PCBP3: variants seen among roughly 807,000 people sequenced by gnomAD.
The protein encoded by PCBP3 is poly(rC)-binding protein 3.
PCBP3 carries 25 observed loss-of-function variants against 52.7 expected under a neutral mutation model. That is an observed-to-expected ratio of 0.47 (90% CI 0.35 to 0.66). The LOEUF (loss-of-function observed/expected upper bound fraction) is 0.66. Among genes scored for constraint, PCBP3 ranks in the 30% least tolerant of loss-of-function variants. PCBP3 has a pLI of 0.01. For synonymous variants in PCBP3, 162 were observed against 183.0 expected (o/e 0.89, Z 0.93); for missense variants, 391 against 490.3 (o/e 0.80, Z 1.91).
At chr21:45,864,609 G>A (rs985771504) in intron 5 of PCBP3, among the ~76,000 whole-genome samples, 2 of 151,082 alleles carry the variant, frequency 1.3e-5, no homozygotes, top group Non-Finnish European at 2.9e-5. Flanking sequence ...TGCAGTGTCT[G>A]TGTGGTGTGT....
rs533701776 is a variant in PCBP3 at position 45,752,751 on chromosome 21, G to A, written c.-161-2666G>A. 4 of 152,016 alleles carry A rather than the reference G, an allele frequency of 2.6e-5. No individual in the cohort carries two copies. The South Asian group carries it at 8.3e-4, about 32-fold the overall frequency. 9.4% of individuals were successfully genotyped at this position (152,016 alleles called of 1,614,324 possible). On this transcript the variant is annotated intron_variant, in intron 3 of 17. Transcript: ENST00000681687. Reference sequence around the variant, plus strand: ...TGGTCAAGTATTATAAATGTCCTGTGTATCTGACAATGGAATCTATTCTAC... The same window carrying A: ...TGGTCAAGTATTATAAATGTCCTGTATATCTGACAATGGAATCTATTCTAC...
In PCBP3 at chr21:45,829,144, G is replaced by C. The variant is rs558572823; in HGVS notation, c.-125-20817G>C. The C allele has an allele frequency of 6.6e-6, 1 of 152,380 alleles. No homozygotes were observed. Among genetic ancestry groups the C allele is most frequent in the Non-Finnish European group, 1.5e-5 (1 of 68,184 alleles). The allele number at this position is 152,380 out of a possible 1,614,324, so 9.4% of individuals were successfully genotyped here. A position where few individuals can be genotyped will look rare whatever the true frequency, so the allele number is the denominator to read the frequency against. On this transcript the variant is annotated intron_variant, in intron 4 of 17. Coordinates refer to ENST00000681687, the MANE Select transcript of PCBP3 (RefSeq NM_001384156.1). This position sits in a 1 kb window ranked among gnomAD's most constrained non-coding sequence, Gnocchi z 5.2. ...GCATTTCACAACTCCAGGGTGCCAC[G>C]GTTTCACAACTCCAGAGCAGGGGTA...
intron 2 of PCBP3, among the ~76,000 whole-genome samples, chr21:45,694,332 A>G (rs554691591): frequency 1.3e-5 from 2 of 152,336 alleles, no homozygotes; most frequent in African/African-American, 2.4e-5. Flanking sequence ...TAAAAGAAGC[A>G]TATTTTAAAA....
chr21:45,683,784 G>C (rs1026108168), intron 2 of PCBP3, among the ~76,000 whole-genome samples: 1 of 151,970 alleles, frequency 6.6e-6, no homozygotes, highest in Non-Finnish European at 1.5e-5. Context: ...AAATGATCCC[G>C]GCGTGGTAGC....
intron 4 of PCBP3, among the ~76,000 whole-genome samples, chr21:45,841,611 A>G (rs1261395276): frequency 6.6e-6 from 1 of 151,998 alleles, no homozygotes; most frequent in Non-Finnish European, 1.5e-5. Context: ...TTTTTGGTAT[A>G]TTTTCATTAT....
intron 2 of PCBP3, among the ~76,000 whole-genome samples, chr21:45,671,929 C>G (rs2081198818): frequency 6.6e-6 from 1 of 152,104 alleles, no homozygotes; most frequent in Non-Finnish European, 1.5e-5. Context: ...GGTCTGTTGT[C>G]CTCCAGGCCT....
At chr21:45,914,122 C>A in intron 12 of PCBP3, 97 bp downstream of exon 12, 1 of 1,586,974 alleles carries the variant, frequency 6.3e-7, no homozygotes, top group Non-Finnish European at 8.6e-7. Context: ...TTCTCGCCTT[C>A]TCACGTGCAC....
intron 5 of PCBP3, among the ~76,000 whole-genome samples, chr21:45,888,597 C>T (rs1031845826): frequency 5.9e-5 from 9 of 152,238 alleles, no homozygotes; most frequent in East Asian, 1.9e-4. Flanking sequence ...CGACACAGCA[C>T]GTGATACCAC....
intron 4 of PCBP3, among the ~76,000 whole-genome samples, chr21:45,782,154 A>G (rs1280557069): frequency 6.6e-6 from 1 of 152,218 alleles, no homozygotes; most frequent in Admixed American, 6.5e-5. Context: ...ACTCAGTAAA[A>G]AATTTTAAAG....
At chr21:45,911,411 G>C (rs921374753) in intron 11 of PCBP3, 24 of 276,728 alleles carry the variant, frequency 8.7e-5, no homozygotes, top group African/African-American at 5.3e-4. Context: ...GGGGGTGGGA[G>C]GGAGGCAAAG....
chr21:45,883,108 C>G (rs568680826), intron 5 of PCBP3, among the ~76,000 whole-genome samples: 1 of 152,292 alleles, frequency 6.6e-6, no homozygotes, highest in Non-Finnish European at 1.5e-5. Flanking sequence ...TATTTTCATT[C>G]AGGTCAATGT....
Position 45,932,534 on chromosome 21 carries a change from C to G in PCBP3, c.856+1689C>G, listed in dbSNP as rs547330290. Reference sequence around the variant, plus strand: ...AGATGAACGAACACGTCGGCCATGCCGTCCTGAGATGAACGAACACCCGGG... The same window carrying G: ...AGATGAACGAACACGTCGGCCATGCGGTCCTGAGATGAACGAACACCCGGG... On this transcript the variant is annotated intron_variant, in intron 15 of 17. Coordinates refer to ENST00000681687, the MANE Select transcript of PCBP3 (RefSeq NM_001384156.1). Among the ~76,000 whole-genome samples, 137 of 137,028 alleles carry G rather than the reference C, an allele frequency of 1.0e-3. 1 individual carries two copies. The highest frequency in any genetic ancestry group is 3.6e-3 in the African/African-American group (129 of 35,612). The allele number at this position is 137,028 out of a possible 152,430, so 89.9% of individuals were successfully genotyped here.
At chr21:45,652,682 A>G (rs1180364102) in intron 1 of PCBP3, among the ~76,000 whole-genome samples, 2 of 152,022 alleles carry the variant, frequency 1.3e-5, no homozygotes, top group African/African-American at 4.8e-5. Flanking sequence ...ACCTCAGGTG[A>G]TCTGCCCGCC....
At chr21:45,900,013 C>T (rs1210873635) in intron 7 of PCBP3, among the ~76,000 whole-genome samples, 1 of 152,166 alleles carries the variant, frequency 6.6e-6, no homozygotes, top group East Asian at 1.9e-4. Flanking sequence ...AATTCCTTTC[C>T]AAATCAGGGC....
At chr21:45,930,632 G>A (rs2076059126) in intron 14 of PCBP3, among the ~76,000 whole-genome samples, 154 bp from the exon 15 acceptor site, 1 of 152,212 alleles carries the variant, frequency 6.6e-6, no homozygotes, top group Non-Finnish European at 1.5e-5. Context: ...GCAGCTAGGT[G>A]TCCCTCCCCA....
chr21:45,890,432 T>C (rs1201459186), intron 5 of PCBP3, among the ~76,000 whole-genome samples: 6 of 151,914 alleles, frequency 3.9e-5, no homozygotes, highest in Admixed American at 1.3e-4. Flanking sequence ...TGTGCACTGC[T>C]CAGGGGAATG....
At position 45,785,506 on chromosome 21, in the gene PCBP3, AG is replaced by A. The variant is rs1298006625; in HGVS notation, c.-126+30064del. Among the ~76,000 whole-genome samples, 54 of 53,082 alleles carry A rather than the reference AG, an allele frequency of 1.0e-3. 1 individual carries two copies. Among genetic ancestry groups the A allele is most frequent in the South Asian group, 1.8e-3 (4 of 2,282 alleles). The allele number at this position is 53,082 out of a possible 152,430, so 34.8% of individuals were successfully genotyped here. ...CGCCTGGCCAGCCGCCCCGTCCGGG[AG>A]GGGGGGGGGTCAGCCCCCCGCCCGG... On this transcript the variant is annotated intron_variant, in intron 4 of 17. Transcript: ENST00000681687.
chr21:45,716,183 T>C (rs1009956321), intron 2 of PCBP3, among the ~76,000 whole-genome samples: 2 of 152,118 alleles, frequency 1.3e-5, no homozygotes, highest in Non-Finnish European at 2.9e-5. Context: ...CTTTAGCATG[T>C]GGATATTCAA....
At chr21:45,706,793 C>G (rs953838938) in intron 2 of PCBP3, among the ~76,000 whole-genome samples, 2 of 152,222 alleles carry the variant, frequency 1.3e-5, no homozygotes, top group African/African-American at 4.8e-5. Flanking sequence ...CACCAGTAAG[C>G]CCCTGTTCTC....
Sources: allele counts gnomAD v4.1 joint callset (sites outside exome capture counted in the v4.1 genomes callset), GRCh38; gene constraint gnomAD v4.1.1; non-coding constraint Gnocchi (gnomAD v3.1); transcripts MANE v1.5; gene names NCBI Gene and HGNC (gene_info 2026-07-23, HGNC 2026-07-21).